The following RGS3 variants were observed in gnomAD, a reference collection of about 807,000 sequenced individuals.
The protein encoded by RGS3 is regulator of G protein signaling 3.
In RGS3, 80 loss-of-function variants were observed where a neutral mutation model predicts 132.6. That is an observed-to-expected ratio of 0.60 (90% confidence interval 0.50 to 0.73). The LOEUF (loss-of-function observed/expected upper bound fraction) is 0.73, where lower values mean the gene tolerates loss of function less well. Ranked by LOEUF, RGS3 falls within the 30% of genes least tolerant of loss-of-function variation. The pLI is 0.00. For missense variants in RGS3, 1,382 were observed against 1,530.8 expected, an observed-to-expected ratio of 0.90 and a Z score of 1.62; for synonymous variants, 598 against 620.6, an observed-to-expected ratio of 0.96 and a Z score of 0.54.
intron 19 of RGS3, among the ~76,000 whole-genome samples, chr9:113,543,444 A>C (rs553717912): frequency 8.3e-4 from 126 of 152,290 alleles, no homozygotes; most frequent in Middle Eastern, 6.8e-3. Flanking sequence ...AATGCCCCCC[A>C]CCCAGCAAGG....
chr9:113,557,514 T>C (rs3983381), intron 19 of RGS3, among the ~76,000 whole-genome samples: 18,189 of 152,210 alleles, frequency 0.12, 1,311 homozygotes, highest in African/African-American at 0.19. Flanking sequence ...GGAGATGGGT[T>C]GGTTCCTTGT....
At chr9:113,566,875 T>G (rs1293967360) in intron 19 of RGS3, among the ~76,000 whole-genome samples, 1 of 152,208 alleles carries the variant, frequency 6.6e-6, no homozygotes, top group Non-Finnish European at 1.5e-5. Context: ...GCAGGCATAG[T>G]CAAAGTTTCC....
chr9:113,479,462 C>G lies in RGS3; in HGVS notation c.416-29C>G, dbSNP rs141234559. The stretch of plus-strand genomic sequence containing the variant: ...CACCACACCCACCAGGGAGCTGAGG[C>G]AAGGTTGTTTCTGTTGCTGTTTCCT... On this transcript the variant is annotated intron_variant, in intron 3 of 24. Coordinates refer to ENST00000350696, the Ensembl canonical transcript of RGS3. 101 of 1,613,126 alleles carry G rather than the reference C, an allele frequency of 6.3e-5. No individual in the cohort carries two copies. The East Asian group carries it at 2.2e-3, about 36-fold the overall frequency.
chr9:113,511,419 A>G (rs1402342006), intron 14 of RGS3, among the ~76,000 whole-genome samples: 1 of 151,606 alleles, frequency 6.6e-6, no homozygotes, highest in East Asian at 1.9e-4. Flanking sequence ...AAAAAAAATC[A>G]GTTTTACAGA....
In RGS3 at chr9:113,541,511, G is replaced by A. The variant is rs1832903342; in HGVS notation, c.2037+4593G>A. On this transcript the variant is annotated intron_variant, in intron 19 of 24. Coordinates refer to ENST00000350696, the Ensembl canonical transcript of RGS3. Reference sequence around the variant, plus strand: ...ACCACACAGTAACCTCACCTCAACTGGACCTGAAACAGAGGACCAAGATGG... The same window carrying A: ...ACCACACAGTAACCTCACCTCAACTAGACCTGAAACAGAGGACCAAGATGG... 4.5e-6 allele frequency: 7 copies of A among 1,558,188 alleles called. No homozygotes were observed. In the Admixed American group the frequency reaches 1.3e-4, roughly 28 times the overall value.
intron 3 of RGS3, among the ~76,000 whole-genome samples, chr9:113,473,560 AC>A (rs1247998870): frequency 6.6e-6 from 1 of 152,048 alleles, no homozygotes; most frequent in Non-Finnish European, 1.5e-5. Context: ...TTTTAAAAAA[AC>A]GTTTTTGGAG....
At chr9:113,535,180 TGCTTTGTCACCCAGGCTGAGTCTG>T (rs751451822) in intron 18 of RGS3, among the ~76,000 whole-genome samples, 147 of 152,052 alleles carry the variant, frequency 9.7e-4, no homozygotes, top group Admixed American at 1.7e-3. Context: ...GGCTGAGTCT[TGCTTTGTCACCCAGGCTGAGTCTG>T]GCTTTGTCAC....
intron 3 of RGS3, among the ~76,000 whole-genome samples, chr9:113,478,073 A>G (rs1445057634): frequency 2.0e-5 from 3 of 152,180 alleles, no homozygotes; most frequent in African/African-American, 4.8e-5. Flanking sequence ...GATGACCTGA[A>G]GTTTTGTCCT....
chr9:113,594,141 A>G, intron 21 of RGS3: 1 of 1,613,090 alleles, frequency 6.2e-7, no homozygotes, highest in African/African-American at 1.3e-5. Flanking sequence ...TCATCAGGCC[A>G]GGATTCCAGA....
chr9:113,492,375 C>T (rs1233449580), intron 7 of RGS3, among the ~76,000 whole-genome samples: 3 of 152,160 alleles, frequency 2.0e-5, no homozygotes, highest in South Asian at 2.1e-4. Context: ...CTTGTGTCCC[C>T]GAGCCTTCAG....
chr9:113,519,678 G>A (rs1195375149), intron 16 of RGS3, among the ~76,000 whole-genome samples: 2 of 146,176 alleles, frequency 1.4e-5, no homozygotes, highest in African/African-American at 5.1e-5. Flanking sequence ...TTAGAGCAGT[G>A]GTTTTTTTTT....
At chr9:113,543,340 C>T (rs1194078104) in intron 19 of RGS3, among the ~76,000 whole-genome samples, 1 of 152,256 alleles carries the variant, frequency 6.6e-6, no homozygotes, top group Non-Finnish European at 1.5e-5. Context: ...ACACCCCTTA[C>T]TTCCCACTTA....
Position 113,564,692 on chromosome 9 carries a change from C to G in RGS3, c.2038-18758C>G, listed in dbSNP as rs560565757. ...AGGATGTTACAGTCCAAACTGCCCT[C>G]CCAGCTGGCTGTCTCCGGGGGAGGA... On this transcript the variant is annotated intron_variant, in intron 19 of 24. Coordinates refer to ENST00000350696, the Ensembl canonical transcript of RGS3. 2.0e-5 allele frequency among the ~76,000 whole-genome samples: 3 copies of G among 152,318 alleles called. No homozygotes were observed. In the East Asian group the frequency reaches 5.8e-4, roughly 29 times the overall value.
At position 113,586,048 on chromosome 9, in the gene RGS3, A is replaced by G. The variant is rs904188222; in HGVS notation, c.3015+1621A>G. Among the ~76,000 whole-genome samples the G allele has an allele frequency of 2.0e-5, 3 of 152,354 alleles. No individual in the cohort carries two copies. The East Asian group carries it at 5.8e-4, about 29-fold the overall frequency. On this transcript the variant is annotated intron_variant, in intron 20 of 24. Coordinates refer to ENST00000350696, the Ensembl canonical transcript of RGS3. Reference sequence around the variant, plus strand: ...TCCCCATACCCAGAACTCTGGAATCAGAATCTCTAGGGGTGGTGCCCAGAC... The same window carrying G: ...TCCCCATACCCAGAACTCTGGAATCGGAATCTCTAGGGGTGGTGCCCAGAC...
chr9:113,486,943 G>T (rs1173131135), intron 7 of RGS3, among the ~76,000 whole-genome samples: 1 of 152,030 alleles, frequency 6.6e-6, no homozygotes, highest in African/African-American at 2.4e-5. Context: ...CAACATGCTG[G>T]GGATGCATGC....
intron 19 of RGS3, chr9:113,541,887 G>T (rs1832919185): frequency 5.1e-6 from 5 of 985,696 alleles, no homozygotes; most frequent in Non-Finnish European, 6.0e-6. Context: ...GATATTTCGG[G>T]TGCATCTACT....
At chr9:113,497,388 A>C in exon 9 of RGS3, 1 of 1,613,412 alleles carries the variant, frequency 6.2e-7, no homozygotes, top group Non-Finnish European at 8.5e-7. Flanking sequence ...CCAGGCGGCG[A>C]CTGCGGCCGC....
intron 19 of RGS3, among the ~76,000 whole-genome samples, chr9:113,569,032 C>T (rs1834135653): frequency 1.3e-5 from 2 of 152,366 alleles, no homozygotes; most frequent in South Asian, 4.1e-4. Context: ...TGGATAGCTG[C>T]CAGGTATGCT....
chr9:113,584,067 C>CGAGGAGGTG, exon 20 of RGS3: 1 of 1,613,908 alleles, frequency 6.2e-7, no homozygotes, highest in Non-Finnish European at 8.5e-7. Context: ...CAGAAGAGGC[C>CGAGGAGGTG]GAGGAGGTGG....
Sources: gnomAD v4.1 joint callset for allele counts (sites outside exome capture counted in the v4.1 genomes callset) on GRCh38, gnomAD v4.1.1 for gene constraint, MANE v1.5 for transcripts, NCBI Gene and HGNC (gene_info 2026-07-23, HGNC 2026-07-21) for gene names.